The following PSG6 variants were observed in gnomAD, a reference collection of about 807,000 sequenced individuals.
PSG6 encodes pregnancy-specific beta-1-glycoprotein 6.
A neutral mutation model predicts 43.3 loss-of-function variants in PSG6; 51 were observed. The observed-to-expected ratio is 1.18, with a 90% CI of 0.94 to 1.49. PSG6 has a LOEUF of 1.49. Ranked by LOEUF, PSG6 falls within the 40% of genes most tolerant of loss-of-function variation. The pLI, the probability that PSG6 is intolerant of heterozygous loss-of-function variation, is 0.00. For synonymous variants in PSG6, 292 were observed against 197.6 expected (o/e 1.48, Z -4.01); for missense variants, 770 against 522.2 (o/e 1.47, Z -4.62).
chr19:42,913,563 C>T (rs1972267750), intron 2 of PSG6, among the ~76,000 whole-genome samples: 1 of 151,670 alleles, frequency 6.6e-6, no homozygotes, highest in African/African-American at 2.4e-5. Flanking sequence ...CCAGAAGTCT[C>T]TAGAAAGTGA....
intron 4 of PSG6, 135 bp from the exon 5 acceptor site, chr19:42,907,311 T>C: frequency 2.0e-6 from 3 of 1,482,842 alleles, no homozygotes; most frequent in South Asian, 1.4e-5. Flanking sequence ...CTATGTTTAC[T>C]AAGCCCAAGC....
chr19:42,907,033 T>G lies in PSG6; in HGVS notation c.1129A>C (p.Lys377Gln). The change falls in exon 5 of 6, where the codon AAG (lysine) becomes CAG (glutamine). Residue 377 changes from lysine to glutamine, a missense_variant. Lys to Gln is a moderately conservative substitution (Grantham distance 53). Coordinates refer to ENST00000187910, the MANE Select transcript of PSG6 (RefSeq NM_001031850.4). Reference sequence around the variant, plus strand: ...GTAGTAATTTGGGGGATAAAGAGCTTTTGTCCTGATAGCTGAAACTTCCCA... The same window carrying G: ...GTAGTAATTTGGGGGATAAAGAGCTGTTGTCCTGATAGCTGAAACTTCCCA... ...INGKFQLSGQ[K>Q]LFIPQITTNH... is the part of the protein sequence containing the mutation. 1 of 1,612,530 alleles carries G rather than the reference T, an allele frequency of 6.2e-7. No homozygotes were observed. Among genetic ancestry groups the G allele is most frequent in the Non-Finnish European group, 8.5e-7 (1 of 1,179,174 alleles).
At chr19:42,916,658 G>C (rs1348112504) in intron 1 of PSG6, among the ~76,000 whole-genome samples, 171 bp from the exon 2 acceptor site, 2 of 150,736 alleles carry the variant, frequency 1.3e-5, no homozygotes, top group African/African-American at 4.9e-5. Context: ...GTGTGTATGT[G>C]TGTGTGTCCT....
intron 1 of PSG6, among the ~76,000 whole-genome samples, chr19:42,917,247 C>G (rs1021480708): frequency 6.6e-6 from 1 of 151,410 alleles, no homozygotes; most frequent in Non-Finnish European, 1.5e-5. Flanking sequence ...CTACCTCTTA[C>G]CAATTCCGGT....
At chr19:42,905,703 G>A (rs1347152795) in intron 5 of PSG6, among the ~76,000 whole-genome samples, 1 of 151,630 alleles carries the variant, frequency 6.6e-6, no homozygotes, top group Non-Finnish European at 1.5e-5. Context: ...GTAGGCAAAT[G>A]AGATGTATCT....
chr19:42,904,936 G>A (rs1972089063), intron 5 of PSG6, among the ~76,000 whole-genome samples: 1 of 151,576 alleles, frequency 6.6e-6, no homozygotes, highest in Non-Finnish European at 1.5e-5. Context: ...CATAAAGGAG[G>A]ACATAGAAAT....
At chr19:42,907,301 C>G in intron 4 of PSG6, 125 bp from the exon 5 acceptor site, 3 of 1,488,940 alleles carry the variant, frequency 2.0e-6, no homozygotes, top group Non-Finnish European at 2.7e-6. Flanking sequence ...CAAATCCCAT[C>G]TATGTTTACT....
rs568742350 is a variant in PSG6 at position 42,910,929 on chromosome 19, G to C, written c.428-71C>G. On this transcript the variant is annotated intron_variant, in intron 2 of 5. Transcript: ENST00000187910. ...TTCCTCCAAAGGCATTTTTCAATCA[G>C]AGTTGGCATTTCCAACCTCTCAGCC... The C allele has an allele frequency of 3.7e-5, 57 of 1,535,314 alleles. No individual in the cohort carries two copies. The African/African-American group carries it at 7.5e-4, about 20-fold the overall frequency.
rs1299039329 is a variant in PSG6, at chr19:42,902,404, G to C, written c.*8C>G. 4 of 1,610,264 alleles carry C rather than the reference G, an allele frequency of 2.5e-6. No homozygotes were observed. The highest frequency in any genetic ancestry group is 2.7e-5 in the African/African-American group (2 of 74,632). Reference sequence around the variant, plus strand: ...TTCTTTTTCTCAGTGTCTCTATTGTGGCAGCCATTAATGAGACTCTGTCTG... The same window carrying C: ...TTCTTTTTCTCAGTGTCTCTATTGTCGCAGCCATTAATGAGACTCTGTCTG... On this transcript the variant is annotated 3_prime_UTR_variant, in exon 6 of 6. Coordinates refer to ENST00000187910, the MANE Select transcript of PSG6 (RefSeq NM_001031850.4).
At chr19:42,913,857 C>G (rs937618335) in intron 2 of PSG6, among the ~76,000 whole-genome samples, 5 of 151,486 alleles carry the variant, frequency 3.3e-5, no homozygotes, top group Non-Finnish European at 5.9e-5. Flanking sequence ...GATTCCATCA[C>G]CAATCAGCAG....
Position 42,916,413 on chromosome 19 carries a change from C to T in PSG6, c.139G>A (p.Glu47Lys), listed in dbSNP as rs200758573. The T allele has an allele frequency of 2.7e-4, 435 of 1,611,918 alleles. 11 individuals carry two copies. The highest frequency in any genetic ancestry group is 4.9e-4 in the Middle Eastern group (3 of 6,082). ...ACAAGTAGAAGAACATCCTTCCCCT[C>T]GGAAACTTTGGGTGGCTTGGCTTCA... ...IIEAKPPKVS[E>K]GKDVLLLVHN... is the part of the protein sequence containing the mutation. Residue 47 changes from glutamate to lysine, a missense_variant, in exon 2 of 6, where the codon GAG becomes AAG. By Grantham distance (56) the Glu-to-Lys change is moderately conservative (BLOSUM62 1). Transcript: ENST00000187910.
At position 42,916,288 on chromosome 19, in the gene PSG6, A is replaced by ATTT. The variant is rs1568448178; in HGVS notation, c.263_264insAAA (p.Ile88_Ile89insAsn). 1.2e-6 allele frequency: 2 copies of ATTT among 1,611,960 alleles called. No homozygotes were observed. Among genetic ancestry groups the ATTT allele is most frequent in the Non-Finnish European group, 1.7e-6 (2 of 1,179,064 alleles). On this transcript the variant is annotated inframe_insertion, in exon 2 of 6. Coordinates refer to ENST00000187910, the MANE Select transcript of PSG6 (RefSeq NM_001031850.4). ...GTCCACTGTAGGCAGGCCCATATAT[A>ATTT]ATTTGACCGTGTACTACATATGATG...
intron 5 of PSG6, 52 bp downstream of exon 5, chr19:42,906,870 C>G: frequency 6.2e-7 from 1 of 1,611,342 alleles, no homozygotes; most frequent in Non-Finnish European, 8.5e-7. Context: ...CTCTGAAAGC[C>G]AGATAGACTC....
rs567152848 is a variant in PSG6 at position 42,908,764 on chromosome 19, A to G, written c.707-910T>C. ...TTTGATGGATATGAGACAAATTTGGAGAGAAGTTTTGCAAATATTTTCTTT... is the reference window on the plus strand; with the variant it reads ...TTTGATGGATATGAGACAAATTTGGGGAGAAGTTTTGCAAATATTTTCTTT... On this transcript the variant is annotated intron_variant, in intron 3 of 5. Transcript: ENST00000187910. 7.9e-5 allele frequency among the ~76,000 whole-genome samples: 12 copies of G among 151,838 alleles called. 1 individual carries two copies. The South Asian group carries it at 2.3e-3, about 29-fold the overall frequency.
intron 5 of PSG6, among the ~76,000 whole-genome samples, chr19:42,906,001 A>G (rs1804227): frequency 5.3e-5 from 8 of 151,648 alleles, no homozygotes; most frequent in African/African-American, 7.3e-5. Context: ...ATAGTGTGAT[A>G]GTTACACAAC....
intron 5 of PSG6, among the ~76,000 whole-genome samples, chr19:42,904,328 C>T (rs1972080421): frequency 6.6e-6 from 1 of 151,520 alleles, no homozygotes; most frequent in Admixed American, 6.6e-5. Context: ...TTTAAAAAGA[C>T]ATTCAAATTG....
intron 3 of PSG6, among the ~76,000 whole-genome samples, chr19:42,909,204 C>T (rs1972173781): frequency 6.6e-6 from 1 of 151,432 alleles, no homozygotes; most frequent in Admixed American, 6.6e-5. Flanking sequence ...TATATTCTTG[C>T]CCTTTTTTTT....
intron 5 of PSG6, among the ~76,000 whole-genome samples, chr19:42,906,430 G>A (rs1417157975): frequency 1.3e-5 from 2 of 151,518 alleles, no homozygotes; most frequent in Admixed American, 1.3e-4. Flanking sequence ...AGTCACCAGA[G>A]GAGCCCGGAG....
Position 42,915,957 on chromosome 19 carries a change from G to C in PSG6, c.427+168C>G, listed in dbSNP as rs1182817069. On this transcript the variant is annotated intron_variant, in intron 2 of 5. Transcript: ENST00000187910. ...GGATGCGGGAAAGGAATTCTGATCT[G>C]TTGAAATGTGTCTCCTCTGTGTGTG... 10 of 1,135,666 alleles carry C rather than the reference G, an allele frequency of 8.8e-6. No individual in the cohort carries two copies. In the Admixed American group the frequency reaches 1.5e-4, roughly 17 times the overall value. The allele number at this position is 1,135,666 out of a possible 1,614,324, so 70.3% of individuals were successfully genotyped here. A position where few individuals can be genotyped will look rare whatever the true frequency, so the allele number is the denominator to read the frequency against.
Sources: gnomAD v4.1 joint callset for allele counts (sites outside exome capture counted in the v4.1 genomes callset) on GRCh38, gnomAD v4.1.1 for gene constraint, MANE v1.5 for transcripts, NCBI Gene and HGNC (gene_info 2026-07-23, HGNC 2026-07-21) for gene names.